Variants in CPQ observed in about 807,000 individuals in gnomAD.
CPQ encodes carboxypeptidase Q.
CPQ carries 37 observed loss-of-function variants against 45.7 expected under a neutral mutation model. The ratio of observed to expected loss-of-function variants is 0.81; its 90% CI spans 0.62 to 1.07. CPQ has a LOEUF of 1.07. Ranked by LOEUF, CPQ falls within the 50% of genes least tolerant of loss-of-function variation. The pLI is 0.00. For synonymous variants in CPQ, 186 were observed against 205.8 expected, an observed-to-expected ratio of 0.90 and a Z score of 0.82; for missense variants, 537 against 572.9, an observed-to-expected ratio of 0.94 and a Z score of 0.64.
chr8:97,063,976 A>C (rs1810595673), intron 6 of CPQ, among the ~76,000 whole-genome samples: 1 of 152,164 alleles, frequency 6.6e-6, no homozygotes, highest in Non-Finnish European at 1.5e-5. Context: ...TATGAATTTA[A>C]AATAGTTTTT....
intron 1 of CPQ, among the ~76,000 whole-genome samples, chr8:96,784,403 G>T (rs928987554): frequency 2.0e-5 from 3 of 151,690 alleles, no homozygotes; most frequent in Non-Finnish European, 2.9e-5. Context: ...CTGAGGTGGG[G>T]GGGGGGTTGG....
At chr8:97,119,400 T>G (rs1357267709) in intron 7 of CPQ, among the ~76,000 whole-genome samples, 3 of 150,006 alleles carry the variant, frequency 2.0e-5, no homozygotes, top group Non-Finnish European at 4.4e-5. Context: ...CTATGTGATC[T>G]CAGGTTAATG....
chr8:97,014,727 A>C (rs1809550726), intron 5 of CPQ, among the ~76,000 whole-genome samples: 1 of 152,126 alleles, frequency 6.6e-6, no homozygotes, highest in African/African-American at 2.4e-5. Flanking sequence ...ATAATTAAAA[A>C]TTACATTAAT....
intron 2 of CPQ, among the ~76,000 whole-genome samples, chr8:96,819,979 G>A (rs1811280275): frequency 6.6e-6 from 1 of 152,038 alleles, no homozygotes; most frequent in Admixed American, 6.6e-5. Context: ...TGGAAAGTTT[G>A]CCCAACTTTG....
At chr8:96,681,748 G>T (rs554690961) in intron 1 of CPQ, among the ~76,000 whole-genome samples, 1 of 152,208 alleles carries the variant, frequency 6.6e-6, no homozygotes, top group Non-Finnish European at 1.5e-5. Flanking sequence ...GCCCATGAAA[G>T]CAGCCAGGAG....
chr8:97,006,426 T>C (rs1809384704), intron 5 of CPQ, among the ~76,000 whole-genome samples: 1 of 152,176 alleles, frequency 6.6e-6, no homozygotes, highest in African/African-American at 2.4e-5. Context: ...CTTCACCTTT[T>C]ATAGTCAGTC....
At chr8:97,113,179 G>T (rs1463853638) in intron 7 of CPQ, among the ~76,000 whole-genome samples, 1 of 152,124 alleles carries the variant, frequency 6.6e-6, no homozygotes, top group East Asian at 1.9e-4. Flanking sequence ...GAAGAGTTTT[G>T]CAAGGAAGGC....
intron 3 of CPQ, among the ~76,000 whole-genome samples, chr8:96,848,460 A>G (rs1024191708): frequency 6.6e-6 from 1 of 152,188 alleles, no homozygotes; most frequent in Non-Finnish European, 1.5e-5. Flanking sequence ...TTAAATAACT[A>G]CCTATCAAGC....
At chr8:96,649,077 G>T (rs1223086054) in intron 1 of CPQ, among the ~76,000 whole-genome samples, 2 of 152,256 alleles carry the variant, frequency 1.3e-5, no homozygotes, top group Non-Finnish European at 2.9e-5. Context: ...CCCGGTTCAA[G>T]TGATTCTCCT....
intron 2 of CPQ, among the ~76,000 whole-genome samples, chr8:96,806,175 G>A (rs1248861437): frequency 2.0e-5 from 3 of 152,138 alleles, no homozygotes; most frequent in African/African-American, 7.2e-5. Context: ...TATAGGTTTG[G>A]CTGTGTGTTT....
rs397891702 is a variant in CPQ at position 96,747,290 on chromosome 8, C to CAAA, written c.-34-37558_-34-37556dup. Among the ~76,000 whole-genome samples the CAAA allele has an allele frequency of 1.1e-4, 11 of 96,806 alleles. 1 individual carries two copies. The highest frequency in any genetic ancestry group is 1.4e-4 in the Non-Finnish European group (7 of 48,336). 63.5% of individuals were successfully genotyped at this position (96,806 alleles called of 152,430 possible). A position where few individuals can be genotyped will look rare whatever the true frequency, so the allele number is the denominator to read the frequency against. ...TGGGTGACAGAGCGAATCTTTGTCT[C>CAAA]AAAAAAAAAAAAAAAAAACACTGTT... On this transcript the variant is annotated intron_variant, in intron 1 of 7. Transcript: ENST00000220763.
rs781314881 is a variant in CPQ, at chr8:96,785,203, A to T, written c.306A>T (p.Lys102Asn). The T allele has an allele frequency of 6.2e-7, 1 of 1,613,680 alleles. No homozygotes were observed. The highest frequency in any genetic ancestry group is 1.7e-4 in the Middle Eastern group (1 of 6,060). Residue 102 changes from lysine (K) to asparagine (N), a missense_variant, in exon 2 of 8, where the codon AAA (lysine) becomes AAT (asparagine). By Grantham distance (94) the Lys-to-Asn change is moderately conservative. Transcript: ENST00000220763. ...YQNLQQDGLE[K>N]VHLEPVRIPH... Reference sequence around the variant, plus strand: ...ACCTGCAGCAAGATGGGCTGGAGAAAGTTCACCTGGAGCCAGTGAGAATAC... The same window carrying T: ...ACCTGCAGCAAGATGGGCTGGAGAATGTTCACCTGGAGCCAGTGAGAATAC...
At chr8:96,702,700 G>C (rs1412117598) in intron 1 of CPQ, among the ~76,000 whole-genome samples, 2 of 152,150 alleles carry the variant, frequency 1.3e-5, no homozygotes, top group Non-Finnish European at 2.9e-5. Flanking sequence ...CACACAGCTA[G>C]TAAGTGGTAG....
intron 4 of CPQ, among the ~76,000 whole-genome samples, chr8:96,886,328 A>G (rs1812306834): frequency 6.6e-6 from 1 of 152,196 alleles, no homozygotes; most frequent in Non-Finnish European, 1.5e-5. Context: ...AGACCCATCT[A>G]TGGTTGAGAA....
intron 3 of CPQ, among the ~76,000 whole-genome samples, chr8:96,855,015 C>G (rs533004196): frequency 6.6e-6 from 1 of 152,234 alleles, no homozygotes; most frequent in South Asian, 2.1e-4. Flanking sequence ...ATAAAACATT[C>G]TGAAATTCAA....
At chr8:96,687,109 A>G (rs1173640374) in intron 1 of CPQ, among the ~76,000 whole-genome samples, 1 of 152,004 alleles carries the variant, frequency 6.6e-6, no homozygotes, top group African/African-American at 2.4e-5. Context: ...TCCTCCACCC[A>G]TGAAACATCT....
chr8:96,809,147 TTAAATATATGCTTATTATAC>T (rs1811125772), intron 2 of CPQ, among the ~76,000 whole-genome samples: 1 of 152,046 alleles, frequency 6.6e-6, no homozygotes. Context: ...GTCAATGTAT[TTAAATATATGCTTATTATAC>T]ATATATTGAA....
intron 1 of CPQ, among the ~76,000 whole-genome samples, chr8:96,651,267 T>C (rs1413462068): frequency 1.3e-5 from 2 of 152,202 alleles, no homozygotes; most frequent in Non-Finnish European, 2.9e-5. Flanking sequence ...GTCTGACAGT[T>C]AGACCACAAG....
intron 2 of CPQ, among the ~76,000 whole-genome samples, chr8:96,790,852 G>T (rs1054859384): frequency 1.3e-5 from 2 of 152,094 alleles, no homozygotes; most frequent in African/African-American, 4.8e-5. Flanking sequence ...TATTTTGTGG[G>T]GTGAAGATCT....
Sources: gnomAD v4.1 joint callset for allele counts (sites outside exome capture counted in the v4.1 genomes callset) on GRCh38, gnomAD v4.1.1 for gene constraint, MANE v1.5 for transcripts, NCBI Gene and HGNC (gene_info 2026-07-23, HGNC 2026-07-21) for gene names.